Variants in LGSN observed in about 807,000 individuals in gnomAD.
LGSN encodes lengsin.
Under a neutral mutation model 19.5 loss-of-function variants are expected in LGSN, and 21 were observed. The ratio of observed to expected loss-of-function variants is 1.07; its 90% CI spans 0.76 to 1.55. LGSN has a LOEUF of 1.55. Among genes scored for constraint, LGSN ranks in the 40% most tolerant of loss-of-function variants. LGSN has a pLI of 0.00. For missense variants in LGSN, 673 were observed against 608.5 expected (o/e 1.11, Z -1.12); for synonymous variants, 257 against 215.6 (o/e 1.19, Z -1.68).
chr6:63,450,731 A>G, the LGSN span, among the ~76,000 whole-genome samples: 114,300 of 151,332 alleles, frequency 0.76, 43,999 homozygotes, highest in African/African-American at 0.92. Flanking sequence ...GGAGTGTAGC[A>G]GGGCAGTCTT....
the LGSN span, among the ~76,000 whole-genome samples, chr6:63,564,424 G>C: frequency 5.3e-3 from 811 of 152,268 alleles, 3 homozygotes; most frequent in Middle Eastern, 0.01. Context: ...AACTGTGTTA[G>C]GATAAGAAAA....
the LGSN span, among the ~76,000 whole-genome samples, chr6:63,463,341 T>G: frequency 6.6e-6 from 1 of 152,166 alleles, no homozygotes; most frequent in African/African-American, 2.4e-5. Flanking sequence ...ATGTTTTATA[T>G]TTATGGCAGA....
At chr6:63,327,769 C>T in the LGSN span, among the ~76,000 whole-genome samples, 1 of 152,036 alleles carries the variant, frequency 6.6e-6, no homozygotes, top group Non-Finnish European at 1.5e-5. Context: ...TCAACTTCTC[C>T]TTTATCTTTT....
the LGSN span, among the ~76,000 whole-genome samples, chr6:63,434,862 G>A: frequency 1.3e-5 from 2 of 151,900 alleles, no homozygotes; most frequent in Non-Finnish European, 2.9e-5. Flanking sequence ...AAAGAGGAAA[G>A]GTACATCATG....
chr6:63,375,420 T>C, the LGSN span, among the ~76,000 whole-genome samples: 1 of 151,198 alleles, frequency 6.6e-6, no homozygotes, highest in Non-Finnish European at 1.5e-5. Context: ...TATATTATTA[T>C]ATAGCAATTA....
chr6:63,376,316 G>A, the LGSN span, among the ~76,000 whole-genome samples: 1 of 152,268 alleles, frequency 6.6e-6, no homozygotes, highest in East Asian at 1.9e-4. Flanking sequence ...TCACAGCAGA[G>A]AGCAATGCAG....
chr6:63,335,352 C>T, the LGSN span, among the ~76,000 whole-genome samples: 8 of 152,064 alleles, frequency 5.3e-5, no homozygotes, highest in African/African-American at 1.9e-4. Context: ...CTCTTCAAGA[C>T]ATTGGTCTAT....
At chr6:63,451,491 C>G in the LGSN span, among the ~76,000 whole-genome samples, 1 of 152,100 alleles carries the variant, frequency 6.6e-6, no homozygotes, top group African/African-American at 2.4e-5. Flanking sequence ...AATGCAGGAA[C>G]AGAAAACCAA....
At chr6:63,368,695 A>C in the LGSN span, among the ~76,000 whole-genome samples, 1 of 152,132 alleles carries the variant, frequency 6.6e-6, no homozygotes, top group African/African-American at 2.4e-5. Flanking sequence ...AAATTCATTT[A>C]TTTTGTTTAT....
chr6:63,454,068 CCATT>C, the LGSN span, among the ~76,000 whole-genome samples: 3 of 152,210 alleles, frequency 2.0e-5, no homozygotes, highest in Admixed American at 2.0e-4. Flanking sequence ...TGCTGCCTCT[CCATT>C]CAGCCTGTTT....
At chr6:63,357,349 G>A in the LGSN span, among the ~76,000 whole-genome samples, 1 of 152,186 alleles carries the variant, frequency 6.6e-6, no homozygotes, top group Non-Finnish European at 1.5e-5. Flanking sequence ...TGTATACCCA[G>A]TAATGGGATG....
chr6:63,338,466 T>C, the LGSN span, among the ~76,000 whole-genome samples: 5 of 152,296 alleles, frequency 3.3e-5, no homozygotes, highest in East Asian at 9.6e-4. Context: ...CATTTCTTAA[T>C]AGGTTTTCCA....
the LGSN span, among the ~76,000 whole-genome samples, chr6:63,384,896 T>C: frequency 6.6e-6 from 1 of 152,126 alleles, no homozygotes; most frequent in Non-Finnish European, 1.5e-5. Flanking sequence ...ACTGATGTCA[T>C]TTTGAGAGGA....
chr6:63,515,709 T>G, the LGSN span, among the ~76,000 whole-genome samples: 1 of 152,186 alleles, frequency 6.6e-6, no homozygotes, highest in African/African-American at 2.4e-5. Context: ...GGCATGAGAA[T>G]GATTAAAAAC....
chr6:63,322,723 C>A (rs7749748), upstream of LGSN, among the ~76,000 whole-genome samples: 445 of 152,200 alleles, frequency 2.9e-3, 3 homozygotes, highest in African/African-American at 0.01. Context: ...CAGTTCTTCC[C>A]AGAAATACCT....
chr6:63,535,727 A>G, the LGSN span, among the ~76,000 whole-genome samples: 55 of 152,278 alleles, frequency 3.6e-4, no homozygotes, highest in African/African-American at 1.3e-3. Context: ...CCTTTGTGAT[A>G]TCAAAGGATC....
the LGSN span, among the ~76,000 whole-genome samples, chr6:63,375,161 A>G: frequency 6.6e-6 from 1 of 152,114 alleles, no homozygotes; most frequent in Non-Finnish European, 1.5e-5. Flanking sequence ...TTTTTTAACC[A>G]TTGACTGAGA....
intron 2 of LGSN, among the ~76,000 whole-genome samples, chr6:63,291,340 C>G (rs955184160): frequency 4.6e-5 from 7 of 152,128 alleles, no homozygotes; most frequent in African/African-American, 1.7e-4. Context: ...CAGGAAGAAA[C>G]AGGTCACATG....
the LGSN span, among the ~76,000 whole-genome samples, chr6:63,559,925 C>T: frequency 6.6e-6 from 1 of 152,026 alleles, no homozygotes; most frequent in East Asian, 1.9e-4. Context: ...CCGTGCCTGG[C>T]CAGATGGTGT....
Sources: gnomAD v4.1 joint callset for allele counts (sites outside exome capture counted in the v4.1 genomes callset) on GRCh38, gnomAD v4.1.1 for gene constraint, MANE v1.5 for transcripts, NCBI Gene and HGNC (gene_info 2026-07-23, HGNC 2026-07-21) for gene names.